Variants in HS3ST5 observed in about 807,000 individuals in gnomAD.
HS3ST5 encodes the protein heparan sulfate-glucosamine 3-sulfotransferase 5, also known as heparan sulfate glucosamine 3-O-sulfotransferase 5.
In HS3ST5, 10 loss-of-function variants were observed where a neutral mutation model predicts 25.4. The observed-to-expected ratio is 0.39, with a 90% CI of 0.24 to 0.67. The LOEUF (loss-of-function observed/expected upper bound fraction) is 0.67. Among genes scored for constraint, HS3ST5 ranks in the 30% least tolerant of loss-of-function variants. The pLI, the probability that HS3ST5 is intolerant of heterozygous loss-of-function variation, is 0.44. For missense variants in HS3ST5, 324 were observed against 420.7 expected (o/e 0.77, Z 2.01); for synonymous variants, 170 against 162.4 (o/e 1.05, Z -0.36).
At chr6:114,157,004 A>G (rs1562219157) in intron 3 of HS3ST5, among the ~76,000 whole-genome samples, 1 of 152,052 alleles carries the variant, frequency 6.6e-6, no homozygotes, top group Non-Finnish European at 1.5e-5. Context: ...TATTTATTCA[A>G]CACTTACATG....
intron 3 of HS3ST5, among the ~76,000 whole-genome samples, chr6:114,152,748 C>T (rs1033416219): frequency 1.3e-5 from 2 of 152,184 alleles, no homozygotes; most frequent in Non-Finnish European, 2.9e-5. Flanking sequence ...AGTGTAAGTG[C>T]GATCCCAAGT....
At chr6:114,105,292 T>A (rs2114833246) in intron 3 of HS3ST5, among the ~76,000 whole-genome samples, 1 of 152,304 alleles carries the variant, frequency 6.6e-6, no homozygotes, top group Non-Finnish European at 1.5e-5. Flanking sequence ...AGCCAAAGCA[T>A]GTTTCAGCTA....
intron 2 of HS3ST5, among the ~76,000 whole-genome samples, chr6:114,193,237 CACAG>C (rs569548615): frequency 6.6e-6 from 1 of 152,144 alleles, no homozygotes; most frequent in East Asian, 1.9e-4. Context: ...TGAACAAACA[CACAG>C]ACAGACAGAC....
chr6:114,085,009 T>A (rs1774720913), intron 3 of HS3ST5, among the ~76,000 whole-genome samples: 1 of 151,892 alleles, frequency 6.6e-6, no homozygotes, highest in Admixed American at 6.6e-5. Context: ...TTTTTTGTAT[T>A]TTAGTAGAGA....
At chr6:114,291,967 A>G (rs1774597372) in intron 1 of HS3ST5, among the ~76,000 whole-genome samples, 1 of 152,222 alleles carries the variant, frequency 6.6e-6, no homozygotes, top group African/African-American at 2.4e-5. Flanking sequence ...TGTTCTAAAG[A>G]GCAAATCTCC....
At chr6:114,065,879 C>T (rs1328095670) in intron 3 of HS3ST5, among the ~76,000 whole-genome samples, 1 of 152,194 alleles carries the variant, frequency 6.6e-6, no homozygotes, top group African/African-American at 2.4e-5. Context: ...AAACATAGTG[C>T]CCACACCCTC....
At chr6:114,132,815 AC>A (rs1367752404) in intron 3 of HS3ST5, among the ~76,000 whole-genome samples, 1 of 152,216 alleles carries the variant, frequency 6.6e-6, no homozygotes, top group Non-Finnish European at 1.5e-5. Context: ...TGTCCCATTC[AC>A]CACCAGAAGC....
chr6:114,315,699 A>G (rs59695521), intron 1 of HS3ST5, among the ~76,000 whole-genome samples: 2,461 of 152,284 alleles, frequency 0.016, 62 homozygotes, highest in African/African-American at 0.052. Flanking sequence ...TTATGAAAAG[A>G]TTGGACTTTC....
At chr6:114,192,139 T>C (rs1477717511) in intron 2 of HS3ST5, among the ~76,000 whole-genome samples, 3 of 152,212 alleles carry the variant, frequency 2.0e-5, no homozygotes, top group African/African-American at 7.2e-5. Context: ...GAACCAGGGT[T>C]TTAAAACATG....
chr6:114,187,231 T>A (rs765161887), intron 2 of HS3ST5, among the ~76,000 whole-genome samples: 12 of 152,348 alleles, frequency 7.9e-5, no homozygotes, highest in Non-Finnish European at 1.6e-4. Context: ...CATAAGGCTA[T>A]AGCTGCCATA....
At chr6:114,306,285 A>T (rs980828772) in intron 1 of HS3ST5, among the ~76,000 whole-genome samples, 10 of 147,390 alleles carry the variant, frequency 6.8e-5, no homozygotes, top group African/African-American at 2.5e-4. Flanking sequence ...ACACATATAT[A>T]TATATATAAA....
intron 1 of HS3ST5, among the ~76,000 whole-genome samples, chr6:114,330,090 AC>A (rs916499704): frequency 1.8e-4 from 28 of 152,106 alleles, no homozygotes; most frequent in African/African-American, 6.3e-4. Context: ...ATAAATTCTC[AC>A]TTCCTTTGCT....
At chr6:114,302,970 C>T (rs945613387) in intron 1 of HS3ST5, among the ~76,000 whole-genome samples, 2 of 152,112 alleles carry the variant, frequency 1.3e-5, no homozygotes, top group Non-Finnish European at 2.9e-5. Flanking sequence ...ATTCTTGAGA[C>T]TAATTTGGCT....
chr6:114,339,518 C>T (rs1036762402), intron 1 of HS3ST5, among the ~76,000 whole-genome samples: 4 of 150,398 alleles, frequency 2.7e-5, no homozygotes, highest in African/African-American at 5.0e-5. Flanking sequence ...AATAAAGAGA[C>T]GGTAAGATTT....
chr6:114,128,168 C>G (rs919923533), intron 3 of HS3ST5, among the ~76,000 whole-genome samples: 11 of 152,100 alleles, frequency 7.2e-5, no homozygotes, highest in Admixed American at 2.6e-4. Flanking sequence ...ATATACACCT[C>G]TGGTTAACCA....
At chr6:114,204,661 A>G (rs1466663813) in intron 2 of HS3ST5, among the ~76,000 whole-genome samples, 5 of 152,180 alleles carry the variant, frequency 3.3e-5, no homozygotes, top group Admixed American at 3.3e-4. Flanking sequence ...TATAAAACAC[A>G]CACTTTATTT....
intron 3 of HS3ST5, among the ~76,000 whole-genome samples, chr6:114,135,851 G>A (rs1466796309): frequency 6.6e-6 from 1 of 152,150 alleles, no homozygotes; most frequent in African/African-American, 2.4e-5. Flanking sequence ...CACCTTCTCA[G>A]TGAGGACTCC....
chr6:114,342,374 G>T lies in HS3ST5; in HGVS notation c.-518C>A. 5.5e-6 allele frequency: 1 copy of T among 180,562 alleles called. No individual in the cohort carries two copies. The highest frequency in any genetic ancestry group is 1.4e-4 in the South Asian group (1 of 7,144). The allele number at this position is 180,562 out of a possible 1,614,324, so 11.2% of individuals were successfully genotyped here. A position where few individuals can be genotyped will look rare whatever the true frequency, so the allele number is the denominator to read the frequency against. On this transcript the variant is annotated 5_prime_UTR_variant, in exon 1 of 5. Coordinates refer to ENST00000312719, the MANE Select transcript of HS3ST5 (RefSeq NM_153612.4). ...GCGTGAATGAGAGCAAACCAACAGG[G>T]CTGTGCGTGGCGCGTGTGAGTAAGA... is the stretch of plus-strand genomic sequence containing the variant.
chr6:114,318,620 C>T (rs1038697953), intron 1 of HS3ST5, among the ~76,000 whole-genome samples: 1 of 152,168 alleles, frequency 6.6e-6, no homozygotes, highest in African/African-American at 2.4e-5. Flanking sequence ...CTGAGTCCTA[C>T]CCCATCTCCC....
Sources: allele counts gnomAD v4.1 joint callset (sites outside exome capture counted in the v4.1 genomes callset), GRCh38; gene constraint gnomAD v4.1.1; transcripts MANE v1.5; gene names NCBI Gene and HGNC (gene_info 2026-07-23, HGNC 2026-07-21).